Variants in GFRA3 observed in about 807,000 individuals in gnomAD.
GFRA3 encodes the protein GDNF family receptor alpha-3.
Under a neutral mutation model 40.0 loss-of-function variants are expected in GFRA3, and 24 were observed. The ratio of observed to expected loss-of-function variants is 0.60; its 90% CI spans 0.43 to 0.84. GFRA3 has a LOEUF of 0.84. GFRA3 is among the 40% of genes least tolerant of loss of function. The pLI is 0.00. For synonymous variants in GFRA3, 203 were observed against 213.5 expected (o/e 0.95, Z 0.43); for missense variants, 405 against 530.6 (o/e 0.76, Z 2.33).
chr5:138,253,379 AAG>A lies in GFRA3; in HGVS notation c.1025-6_1025-5del, dbSNP rs1472335246. The A allele has an allele frequency of 6.4e-7, 1 of 1,567,270 alleles. No individual in the cohort carries two copies. The highest frequency in any genetic ancestry group is 8.7e-7 in the Non-Finnish European group (1 of 1,145,804). Reference sequence around the variant, plus strand: ...ATCTTAGCTGCAATGGCCTCCGCTGAAGAGAGGAGAGAAGGCTCATTGGAAGG... The same window carrying A: ...ATCTTAGCTGCAATGGCCTCCGCTGAAGAGGAGAGAAGGCTCATTGGAAGG... On this transcript the variant is annotated splice_region_variant and splice_polypyrimidine_tract_variant and intron_variant, in intron 6 of 7. Transcript: ENST00000274721.
chr5:138,269,293 T>A (rs931340395), intron 1 of GFRA3, among the ~76,000 whole-genome samples: 2 of 151,902 alleles, frequency 1.3e-5, no homozygotes, highest in African/African-American at 4.8e-5. Context: ...CCCAGCACTT[T>A]GGGAGGCTGA....
At chr5:138,254,981 G>C (rs535324286) in intron 4 of GFRA3, among the ~76,000 whole-genome samples, 1 of 149,240 alleles carries the variant, frequency 6.7e-6, no homozygotes, top group Admixed American at 6.8e-5. Flanking sequence ...GAGAAGAGAA[G>C]GAGAAAAGAG....
At position 138,259,623 on chromosome 5, in the gene GFRA3, A is replaced by G; in HGVS notation, c.406T>C (p.Tyr136His). ...LGNYELDVSP[Y>H]EDTVTSKPWK... Reference sequence around the variant, plus strand: ...GGTTTGCTGGTCACTGTGTCTTCATAGGGGGAGACATCCAGCTCATAGTTA... The same window carrying G: ...GGTTTGCTGGTCACTGTGTCTTCATGGGGGGAGACATCCAGCTCATAGTTA... Residue 136 changes from tyrosine to histidine, a missense_variant, in exon 3 of 8, where the codon TAT becomes CAT. Transcript: ENST00000274721. The G allele has an allele frequency of 6.6e-7, 1 of 1,511,222 alleles. No homozygotes were observed. The highest frequency in any genetic ancestry group is 9.2e-7 in the Non-Finnish European group (1 of 1,086,164). 93.6% of individuals were successfully genotyped at this position (1,511,222 alleles called of 1,614,324 possible).
chr5:138,264,726 TCTGCAG>T (rs1384538379), intron 1 of GFRA3, among the ~76,000 whole-genome samples, 178 bp from the exon 2 acceptor site: 1 of 152,130 alleles, frequency 6.6e-6, no homozygotes, highest in Non-Finnish European at 1.5e-5. Flanking sequence ...GACTGGATAG[TCTGCAG>T]CTGCCACAGT....
At chr5:138,262,585 T>G (rs1368734070) in intron 2 of GFRA3, among the ~76,000 whole-genome samples, 1 of 152,070 alleles carries the variant, frequency 6.6e-6, no homozygotes, top group African/African-American at 2.4e-5. Context: ...CCCGAGTAGC[T>G]GGGACCACAG....
intron 4 of GFRA3, among the ~76,000 whole-genome samples, chr5:138,256,102 G>A (rs1457257173): frequency 1.3e-4 from 20 of 150,896 alleles, no homozygotes; most frequent in Non-Finnish European, 2.7e-4. Context: ...GTGGTGGCAG[G>A]CGCCTGTAAT....
chr5:138,269,277 C>CGT (rs919938084), intron 1 of GFRA3, among the ~76,000 whole-genome samples: 4 of 151,832 alleles, frequency 2.6e-5, no homozygotes, highest in African/African-American at 9.7e-5. Flanking sequence ...TGGCTCACCC[C>CGT]GTAATCCCAG....
intron 1 of GFRA3, among the ~76,000 whole-genome samples, chr5:138,273,721 G>A (rs574270176): frequency 6.6e-6 from 1 of 152,280 alleles, no homozygotes; most frequent in Admixed American, 6.5e-5. Flanking sequence ...ATCCCAGGCT[G>A]TTCTTCCTTG....
chr5:138,273,277 G>C (rs934432595), intron 1 of GFRA3, among the ~76,000 whole-genome samples: 8 of 152,170 alleles, frequency 5.3e-5, no homozygotes, highest in Non-Finnish European at 1.2e-4. Flanking sequence ...CTGTTTTATG[G>C]ATTTTCAATG....
chr5:138,260,541 G>A (rs754909605), intron 2 of GFRA3, among the ~76,000 whole-genome samples: 5 of 152,172 alleles, frequency 3.3e-5, no homozygotes, highest in Non-Finnish European at 7.3e-5. Flanking sequence ...GGCCTAGGCG[G>A]GTAGATCACC....
intron 4 of GFRA3, among the ~76,000 whole-genome samples, chr5:138,255,023 G>GAGGA (rs71585109): frequency 1.3e-5 from 2 of 149,568 alleles, no homozygotes; most frequent in African/African-American, 4.9e-5. Flanking sequence ...AGGAGAGAGA[G>GAGGA]AGGAAGGAAG....
At chr5:138,254,344 C>T (rs1417836306) in intron 4 of GFRA3, among the ~76,000 whole-genome samples, 184 bp from the exon 5 acceptor site, 2 of 152,110 alleles carry the variant, frequency 1.3e-5, no homozygotes, top group South Asian at 2.1e-4. Flanking sequence ...CGTGCCACCA[C>T]ACCTGGCTAA....
chr5:138,273,979 A>T (rs1159603220), intron 1 of GFRA3, among the ~76,000 whole-genome samples: 3 of 152,110 alleles, frequency 2.0e-5, no homozygotes, highest in African/African-American at 7.2e-5. Flanking sequence ...TCTGTTTCTG[A>T]TCTGATTCTC....
At chr5:138,262,792 A>G (rs1276813583) in intron 2 of GFRA3, among the ~76,000 whole-genome samples, 1 of 151,996 alleles carries the variant, frequency 6.6e-6, no homozygotes, top group East Asian at 1.9e-4. Flanking sequence ...TGTTGTGGTT[A>G]TCCTGACCCT....
chr5:138,257,564 T>A, intron 4 of GFRA3, 75 bp downstream of exon 4: 1 of 1,329,712 alleles, frequency 7.5e-7, no homozygotes, highest in South Asian at 1.3e-5. Flanking sequence ...CAGACCCTGC[T>A]CAGCACAGGA....
At chr5:138,256,544 A>C (rs1485721557) in intron 4 of GFRA3, among the ~76,000 whole-genome samples, 2 of 131,142 alleles carry the variant, frequency 1.5e-5, no homozygotes, top group Non-Finnish European at 3.5e-5. Context: ...AACAAACAAA[A>C]AAAAACAAAC....
At position 138,257,963 on chromosome 5, in the gene GFRA3, G is replaced by A; in HGVS notation, c.473-12C>T. ...GCAGAGGTCTGAGTCTGGGGGGAAA[G>A]GGCACGGAGTCAGTCGGCTGGGCCC... On this transcript the variant is annotated splice_polypyrimidine_tract_variant and intron_variant, in intron 3 of 7. Coordinates refer to ENST00000274721, the MANE Select transcript of GFRA3 (RefSeq NM_001496.4). The A allele has an allele frequency of 6.2e-7, 1 of 1,612,768 alleles. No homozygotes were observed.
chr5:138,254,241 GC>G, intron 4 of GFRA3, 81 bp from the exon 5 acceptor site: 1 of 814,942 alleles, frequency 1.2e-6, no homozygotes, highest in East Asian at 2.6e-5. Context: ...AGGCTGGAGT[GC>G]AGTAGCTCAA....
intron 2 of GFRA3, among the ~76,000 whole-genome samples, chr5:138,261,640 G>A (rs754422967): frequency 3.1e-5 from 4 of 130,296 alleles, no homozygotes; most frequent in Non-Finnish European, 6.2e-5. Context: ...GTTGCAGTGA[G>A]CCAATATCAC....
Sources: allele counts gnomAD v4.1 joint callset (sites outside exome capture counted in the v4.1 genomes callset), GRCh38; gene constraint gnomAD v4.1.1; transcripts MANE v1.5; gene names NCBI Gene and HGNC (gene_info 2026-07-23, HGNC 2026-07-21).